TPTE2: variants seen among roughly 807,000 people sequenced by gnomAD.
The protein encoded by TPTE2 is phosphatidylinositol 3,4,5-trisphosphate 3-phosphatase TPTE2.
In TPTE2, 53 loss-of-function variants were observed where a neutral mutation model predicts 78.6. The observed-to-expected ratio is 0.67, with a 90% CI of 0.54 to 0.85. The LOEUF (loss-of-function observed/expected upper bound fraction) is 0.85, where lower values mean the gene tolerates loss of function less well. TPTE2 is among the 40% of genes least tolerant of loss of function. TPTE2 has a pLI of 0.00. For missense variants in TPTE2, 461 were observed against 623.0 expected, an observed-to-expected ratio of 0.74 and a Z score of 2.77; for synonymous variants, 175 against 206.2, an observed-to-expected ratio of 0.85 and a Z score of 1.30.
chr13:19,500,565 A>G (rs1868433118), intron 1 of TPTE2, among the ~76,000 whole-genome samples: 1 of 152,158 alleles, frequency 6.6e-6, no homozygotes, highest in South Asian at 2.1e-4. Flanking sequence ...GATTATCTCA[A>G]TAGATGCAGA....
chr13:19,525,875 G>A (rs1324503749), intron 1 of TPTE2, among the ~76,000 whole-genome samples: 1 of 151,898 alleles, frequency 6.6e-6, no homozygotes, highest in Non-Finnish European at 1.5e-5. Context: ...AAAAAAAGGA[G>A]GGGGCAAAGG....
At chr13:19,452,981 A>ATTTT (rs1251644106) in intron 10 of TPTE2, among the ~76,000 whole-genome samples, 3 of 71,196 alleles carry the variant, frequency 4.2e-5, no homozygotes, top group African/African-American at 1.2e-4. Flanking sequence ...ATTTTATTTT[A>ATTTT]TTTTATTTAT....
At chr13:19,498,509 A>G (rs1881539497) in intron 1 of TPTE2, among the ~76,000 whole-genome samples, 1 of 152,074 alleles carries the variant, frequency 6.6e-6, no homozygotes, top group Non-Finnish European at 1.5e-5. Flanking sequence ...TTCTTAAAGA[A>G]AAGAATTTTC....
At chr13:19,523,803 G>A (rs1000209057) in intron 1 of TPTE2, among the ~76,000 whole-genome samples, 4 of 152,042 alleles carry the variant, frequency 2.6e-5, no homozygotes, top group African/African-American at 7.2e-5. Context: ...TTCTGAACTC[G>A]CAAAATGTGA....
intron 1 of TPTE2, among the ~76,000 whole-genome samples, chr13:19,497,481 G>C (rs543197532): frequency 9.7e-5 from 10 of 103,510 alleles, no homozygotes; most frequent in Non-Finnish European, 2.0e-4. Context: ...TCCTCAAGTG[G>C]GTCCCTGACC....
chr13:19,438,181 A>T, intron 13 of TPTE2, 28 bp from the exon 17 acceptor site: 1 of 1,603,104 alleles, frequency 6.2e-7, no homozygotes, highest in East Asian at 2.3e-5. Context: ...TTAGTTCAAG[A>T]ACATACATGG....
At chr13:19,437,958 T>C (rs1877221028) in intron 14 of TPTE2, 134 bp downstream of exon 17, 1 of 1,324,458 alleles carries the variant, frequency 7.6e-7, no homozygotes, top group African/African-American at 1.5e-5. Context: ...ATAGACTTTC[T>C]AAAAACTGCT....
intron 1 of TPTE2, among the ~76,000 whole-genome samples, chr13:19,498,310 A>G (rs1204215419): frequency 6.6e-6 from 1 of 150,748 alleles, no homozygotes; most frequent in African/African-American, 2.4e-5. Context: ...CCACAAAGAT[A>G]CTCCTCGAGA....
At chr13:19,458,217 A>T (rs558427891) in intron 10 of TPTE2, among the ~76,000 whole-genome samples, 1 of 152,310 alleles carries the variant, frequency 6.6e-6, no homozygotes, top group East Asian at 1.9e-4. Flanking sequence ...AATATTCAAA[A>T]ACCAAACTTA....
At chr13:19,489,529 C>T (rs1880864289) in intron 3 of TPTE2, among the ~76,000 whole-genome samples, 1 of 149,706 alleles carries the variant, frequency 6.7e-6, no homozygotes, top group African/African-American at 2.5e-5. Flanking sequence ...ATATATATGA[C>T]TACTGATGTT....
chr13:19,475,100 C>T (rs573882323), intron 5 of TPTE2, among the ~76,000 whole-genome samples: 2 of 152,236 alleles, frequency 1.3e-5, no homozygotes, highest in Admixed American at 1.3e-4. Context: ...TTAGATGGGG[C>T]ACATGGCTAC....
the TPTE2 span, chr13:19,561,365 A>C: frequency 2.0e-6 from 1 of 501,496 alleles, no homozygotes; most frequent in South Asian, 4.4e-5. Context: ...GGTCCACTCT[A>C]ATATTCCCGC....
At chr13:19,447,247 T>A (rs1159504134) in intron 13 of TPTE2, among the ~76,000 whole-genome samples, 1 of 151,992 alleles carries the variant, frequency 6.6e-6, no homozygotes, top group Non-Finnish European at 1.5e-5. Flanking sequence ...AACAAAATAT[T>A]ATGTGAATAC....
chr13:19,541,430 A>ATCCTAATCACT (rs1459998444), upstream of TPTE2, among the ~76,000 whole-genome samples: 49 of 152,284 alleles, frequency 3.2e-4, no homozygotes, highest in African/African-American at 1.2e-3. Context: ...TGGATTTCCA[A>ATCCTAATCACT]TCCTAATCAC....
chr13:19,471,836 T>A (rs1879636159), intron 6 of TPTE2, among the ~76,000 whole-genome samples: 1 of 152,198 alleles, frequency 6.6e-6, no homozygotes, highest in Non-Finnish European at 1.5e-5. Context: ...AATACTCCCT[T>A]TAGCATTTCT....
At chr13:19,430,685 G>C in intron 16 of TPTE2, 138 bp from the exon 20 acceptor site, 2 of 629,752 alleles carry the variant, frequency 3.2e-6, no homozygotes, top group Admixed American at 3.3e-5. Context: ...ATTTGGTCTT[G>C]CATGGATTTT....
chr13:19,557,548 G>A, the TPTE2 span, among the ~76,000 whole-genome samples: 1 of 152,160 alleles, frequency 6.6e-6, no homozygotes, highest in African/African-American at 2.4e-5. Flanking sequence ...TGACTCTAGA[G>A]CTGCTTAGGA....
intron 18 of TPTE2, 100 bp from the exon 22 acceptor site, chr13:19,425,117 C>T: frequency 3.4e-6 from 2 of 580,282 alleles, no homozygotes; most frequent in Non-Finnish European, 2.9e-6. Flanking sequence ...ATTTATCAAA[C>T]AATTATAACC....
chr13:19,533,353 A>C (rs1420851891), intron 1 of TPTE2, among the ~76,000 whole-genome samples: 5 of 152,246 alleles, frequency 3.3e-5, no homozygotes, highest in Admixed American at 3.3e-4. Flanking sequence ...ATGCAAAAGC[A>C]AGAGTTCACA....
Sources: allele counts gnomAD v4.1 joint callset (sites outside exome capture counted in the v4.1 genomes callset), GRCh38; gene constraint gnomAD v4.1.1; transcripts MANE v1.5; gene names NCBI Gene and HGNC (gene_info 2026-07-23, HGNC 2026-07-21).